MAST4: variants seen among roughly 807,000 people sequenced by gnomAD.
The protein encoded by MAST4 is microtubule-associated serine/threonine-protein kinase 4.
A neutral mutation model predicts 162.7 loss-of-function variants in MAST4; 89 were observed. The ratio of observed to expected loss-of-function variants is 0.55; its 90% CI spans 0.46 to 0.65. MAST4 has a LOEUF of 0.65. Ranked by LOEUF, MAST4 falls within the 30% of genes least tolerant of loss-of-function variation. The pLI is 0.00. For synonymous variants in MAST4, 1,479 were observed against 1,361.1 expected (o/e 1.09, Z -1.91); for missense variants, 3,153 against 3,374.0 (o/e 0.93, Z 1.62).
intron 3 of MAST4, among the ~76,000 whole-genome samples, chr5:66,880,590 C>T (rs1035076930): frequency 2.0e-5 from 3 of 152,062 alleles, no homozygotes; most frequent in African/African-American, 7.2e-5. Flanking sequence ...TAACAATGGA[C>T]GTTTGAGGAC....
chr5:67,169,335 C>G lies in MAST4; in HGVS notation c.*2284C>G, dbSNP rs1412190404. 2 of 152,088 alleles carry G rather than the reference C, an allele frequency of 1.3e-5. No homozygotes were observed. The highest frequency in any genetic ancestry group is 4.8e-5 in the African/African-American group (2 of 41,402). The allele number at this position is 152,088 out of a possible 1,614,324, so 9.4% of individuals were successfully genotyped here. On this transcript the variant is annotated 3_prime_UTR_variant, in exon 29 of 29. Coordinates refer to ENST00000403625, the MANE Select transcript of MAST4 (RefSeq NM_001164664.2). Reference sequence around the variant, plus strand: ...GTATTACATGTTTGTTGTTGTAAACCTCTCCAATCAGCTGGTAGAAATTCT... The same window carrying G: ...GTATTACATGTTTGTTGTTGTAAACGTCTCCAATCAGCTGGTAGAAATTCT...
chr5:66,885,838 T>C (rs542833279), intron 3 of MAST4, among the ~76,000 whole-genome samples: 11 of 152,324 alleles, frequency 7.2e-5, no homozygotes, highest in Middle Eastern at 3.4e-3. Flanking sequence ...AATTTATACT[T>C]CCAAATTGCA....
At position 66,884,412 on chromosome 5, in the gene MAST4, A is replaced by T. The variant is rs906160217; in HGVS notation, c.643-15539A>T. Among the ~76,000 whole-genome samples the T allele has an allele frequency of 2.0e-4, 30 of 152,318 alleles. No individual in the cohort carries two copies. The East Asian group carries it at 5.8e-3, about 29-fold the overall frequency. On this transcript the variant is annotated intron_variant, in intron 3 of 28. Coordinates refer to ENST00000403625, the MANE Select transcript of MAST4 (RefSeq NM_001164664.2). ...CACAACACTCTTTGGGGAAATGTTG[A>T]GTTAAATGGACTCTGTAGCTCTATA...
chr5:67,042,319 C>T (rs1293140587), intron 4 of MAST4, among the ~76,000 whole-genome samples: 1 of 152,310 alleles, frequency 6.6e-6, no homozygotes, highest in African/African-American at 2.4e-5. Flanking sequence ...CACTCATTAC[C>T]CAGACTGAAT....
intron 14 of MAST4, among the ~76,000 whole-genome samples, chr5:67,122,632 A>C (rs1767720206): frequency 6.6e-6 from 1 of 152,154 alleles, no homozygotes; most frequent in Non-Finnish European, 1.5e-5. Flanking sequence ...CTTTGATTTA[A>C]TGGGTGTATG....
intron 4 of MAST4, among the ~76,000 whole-genome samples, chr5:66,979,412 GTTCAGC>G (rs1561499021): frequency 6.6e-6 from 1 of 152,152 alleles, no homozygotes; most frequent in Non-Finnish European, 1.5e-5. Context: ...GGGGAAGCAT[GTTCAGC>G]TGCAACCTGC....
chr5:66,806,312 A>T (rs1756183952), intron 3 of MAST4, among the ~76,000 whole-genome samples: 1 of 152,208 alleles, frequency 6.6e-6, no homozygotes. Flanking sequence ...GGCATTTTAA[A>T]CAAATCTGCA....
chr5:66,733,458 G>T (rs1751980363), intron 1 of MAST4, among the ~76,000 whole-genome samples: 1 of 152,080 alleles, frequency 6.6e-6, no homozygotes, highest in South Asian at 2.1e-4. Flanking sequence ...CCCATGAATG[G>T]GTCATAAAAT....
chr5:66,614,093 A>T (rs764572975), intron 1 of MAST4, among the ~76,000 whole-genome samples: 3 of 152,228 alleles, frequency 2.0e-5, no homozygotes, highest in African/African-American at 2.4e-5. Context: ...GGATGGAACA[A>T]TTAGGGCAGT....
At chr5:66,670,245 A>G (rs550637972) in intron 1 of MAST4, among the ~76,000 whole-genome samples, 9 of 152,198 alleles carry the variant, frequency 5.9e-5, no homozygotes, top group Non-Finnish European at 1.0e-4. Context: ...AGTTACTGTG[A>G]TTTTTGGATT....
At chr5:66,989,262 G>T (rs981888708) in intron 4 of MAST4, among the ~76,000 whole-genome samples, 2 of 152,220 alleles carry the variant, frequency 1.3e-5, no homozygotes, top group South Asian at 2.1e-4. Context: ...AACCGCACCT[G>T]CCCCTCCTTA....
At chr5:66,856,629 G>A (rs779187608) in intron 3 of MAST4, among the ~76,000 whole-genome samples, 2 of 152,196 alleles carry the variant, frequency 1.3e-5, no homozygotes, top group African/African-American at 2.4e-5. Flanking sequence ...CCTTTATCAG[G>A]AAGACACATA....
chr5:67,070,472 G>A (rs75567249), intron 5 of MAST4, among the ~76,000 whole-genome samples: 7,474 of 152,248 alleles, frequency 0.049, 530 homozygotes, highest in African/African-American at 0.16. Flanking sequence ...ATTTCCTGAA[G>A]TTGTCTTTAC....
At chr5:66,867,526 T>G (rs1760619066) in intron 3 of MAST4, among the ~76,000 whole-genome samples, 1 of 152,238 alleles carries the variant, frequency 6.6e-6, no homozygotes, top group African/African-American at 2.4e-5. Flanking sequence ...GGTGAAAGCA[T>G]TTAGCATAGA....
At chr5:66,633,733 G>T (rs1344002466) in intron 1 of MAST4, among the ~76,000 whole-genome samples, 2 of 152,136 alleles carry the variant, frequency 1.3e-5, no homozygotes, top group Non-Finnish European at 2.9e-5. Context: ...CACCTTTGTT[G>T]CTCAATTTAT....
chr5:67,096,898 G>A (rs1764526523), intron 7 of MAST4, among the ~76,000 whole-genome samples: 1 of 152,138 alleles, frequency 6.6e-6, no homozygotes, highest in African/African-American at 2.4e-5. Context: ...ATCAGCATCA[G>A]TAAAAGATGC....
intron 2 of MAST4, among the ~76,000 whole-genome samples, chr5:66,769,160 A>G (rs1754247377): frequency 6.6e-6 from 1 of 152,196 alleles, no homozygotes; most frequent in African/African-American, 2.4e-5. Context: ...GCACTAGGGA[A>G]ATTCATGTAC....
At chr5:66,999,454 C>G (rs1405980110) in intron 4 of MAST4, among the ~76,000 whole-genome samples, 1 of 152,186 alleles carries the variant, frequency 6.6e-6, no homozygotes, top group Non-Finnish European at 1.5e-5. Context: ...TATGCACTGT[C>G]TTCTCTTATA....
intron 1 of MAST4, among the ~76,000 whole-genome samples, chr5:66,690,971 T>G (rs1749003018): frequency 6.6e-6 from 1 of 152,200 alleles, no homozygotes; most frequent in Non-Finnish European, 1.5e-5. Context: ...CATTTGAATT[T>G]CAATATACTC....
Sources: allele counts gnomAD v4.1 joint callset (sites outside exome capture counted in the v4.1 genomes callset), GRCh38; gene constraint gnomAD v4.1.1; transcripts MANE v1.5; gene names NCBI Gene and HGNC (gene_info 2026-07-23, HGNC 2026-07-21).